The following PRTG variants were observed in gnomAD, a reference collection of about 807,000 sequenced individuals.
The protein encoded by PRTG is protogenin.
In PRTG, 67 loss-of-function variants were observed where a neutral mutation model predicts 122.5. That is an observed-to-expected ratio of 0.55 (90% confidence interval 0.45 to 0.67). PRTG has a LOEUF of 0.67. Ranked by LOEUF, PRTG falls within the 30% of genes least tolerant of loss-of-function variation. The pLI is 0.00. For missense variants in PRTG, 1,435 were observed against 1,415.4 expected (o/e 1.01, Z -0.22); for synonymous variants, 554 against 501.1 (o/e 1.11, Z -1.41).
intron 11 of PRTG, among the ~76,000 whole-genome samples, chr15:55,663,243 T>G (rs1183197306): frequency 1.3e-5 from 2 of 152,220 alleles, no homozygotes; most frequent in African/African-American, 4.8e-5. Flanking sequence ...GGAGGTCAAG[T>G]GACTTTACCA....
intron 2 of PRTG, among the ~76,000 whole-genome samples, chr15:55,698,988 T>C (rs1422584004): frequency 6.6e-6 from 1 of 152,036 alleles, no homozygotes; most frequent in Admixed American, 6.5e-5. Context: ...ACAAAACAAA[T>C]GGTAGCGCTC....
At chr15:55,673,829 C>G (rs1301650461) in intron 9 of PRTG, among the ~76,000 whole-genome samples, 153 bp from the exon 10 acceptor site, 1 of 151,758 alleles carries the variant, frequency 6.6e-6, no homozygotes, top group Non-Finnish European at 1.5e-5. Context: ...GAGTACAAAC[C>G]AGAAAAAAGA....
At chr15:55,693,560 G>C (rs2059616677) in intron 2 of PRTG, among the ~76,000 whole-genome samples, 1 of 152,126 alleles carries the variant, frequency 6.6e-6, no homozygotes, top group Non-Finnish European at 1.5e-5. Flanking sequence ...TGTATATAGG[G>C]AGGTGGTACA....
At chr15:55,693,254 C>CA (rs1430465299) in intron 2 of PRTG, among the ~76,000 whole-genome samples, 1 of 152,038 alleles carries the variant, frequency 6.6e-6, no homozygotes, top group Non-Finnish European at 1.5e-5. Flanking sequence ...ATCGGGTGGT[C>CA]GGGACTGGCC....
chr15:55,630,752 T>C (rs1408761727), intron 15 of PRTG, among the ~76,000 whole-genome samples: 2 of 152,166 alleles, frequency 1.3e-5, no homozygotes, highest in African/African-American at 2.4e-5. Flanking sequence ...TTAATTCTAG[T>C]GCTAAAAGTG....
At chr15:55,622,062 T>C (rs2059169066) in intron 18 of PRTG, among the ~76,000 whole-genome samples, 1 of 151,948 alleles carries the variant, frequency 6.6e-6, no homozygotes, top group African/African-American at 2.4e-5. Flanking sequence ...CAAATGTGTC[T>C]CTCTCCTTCA....
At chr15:55,645,432 T>TAAAAAAAAA (rs1266383340) in intron 11 of PRTG, among the ~76,000 whole-genome samples, 2 of 6,306 alleles carry the variant, frequency 3.2e-4, no homozygotes, top group African/African-American at 4.3e-4. Flanking sequence ...AAACTCCGTC[T>TAAAAAAAAA]CAAAAAAAAA....
intron 11 of PRTG, among the ~76,000 whole-genome samples, chr15:55,664,394 C>T (rs1158575703): frequency 2.6e-5 from 4 of 152,136 alleles, no homozygotes; most frequent in African/African-American, 9.7e-5. Context: ...CCACCCGCCT[C>T]GATCTCCCAA....
At chr15:55,717,716 T>C (rs978167481) in intron 2 of PRTG, among the ~76,000 whole-genome samples, 3 of 152,262 alleles carry the variant, frequency 2.0e-5, no homozygotes, top group Non-Finnish European at 2.9e-5. Context: ...ACTTGCTTTA[T>C]GTATTTTTAA....
chr15:55,685,382 A>G (rs77735641), intron 2 of PRTG, among the ~76,000 whole-genome samples: 2,083 of 152,244 alleles, frequency 0.014, 36 homozygotes, highest in African/African-American at 0.041. Context: ...TGGGGGTGAA[A>G]TAATCCCTTA....
At chr15:55,620,364 G>A in intron 19 of PRTG, 98 bp from the exon 20 acceptor site, 1 of 1,529,914 alleles carries the variant, frequency 6.5e-7, no homozygotes, top group Admixed American at 2.1e-5. Context: ...GAGCACATCA[G>A]AATTACCCGT....
chr15:55,711,633 A>G (rs762257895), intron 2 of PRTG, among the ~76,000 whole-genome samples: 1 of 152,120 alleles, frequency 6.6e-6, no homozygotes, highest in African/African-American at 2.4e-5. Flanking sequence ...TTTCACCCCA[A>G]CCAACAACCA....
chr15:55,656,921 GGAGA>G (rs2059383387), intron 11 of PRTG, among the ~76,000 whole-genome samples: 1 of 152,190 alleles, frequency 6.6e-6, no homozygotes, highest in African/African-American at 2.4e-5. Flanking sequence ...ACAATAAAAA[GGAGA>G]GATACCAGCA....
intron 2 of PRTG, among the ~76,000 whole-genome samples, chr15:55,725,151 CAAT>C (rs1316818718): frequency 6.6e-6 from 1 of 151,998 alleles, no homozygotes; most frequent in Admixed American, 6.6e-5. Flanking sequence ...TAATGTGTGA[CAAT>C]AATATAAAAG....
At chr15:55,659,260 C>G (rs1413897843) in intron 11 of PRTG, among the ~76,000 whole-genome samples, 3 of 152,182 alleles carry the variant, frequency 2.0e-5, no homozygotes, top group African/African-American at 7.2e-5. Context: ...AGGGAACCCT[C>G]GTGGGATCAC....
chr15:55,640,597 G>A (rs1360809916), intron 12 of PRTG, among the ~76,000 whole-genome samples: 1 of 152,152 alleles, frequency 6.6e-6, no homozygotes, highest in African/African-American at 2.4e-5. Context: ...AATTTGGTAT[G>A]TAGATATTCA....
intron 11 of PRTG, among the ~76,000 whole-genome samples, chr15:55,657,675 G>A (rs2059387871): frequency 1.3e-5 from 2 of 152,158 alleles, no homozygotes; most frequent in African/African-American, 4.8e-5. Context: ...ATAGCTAACT[G>A]TAGTTTGTTT....
At chr15:55,638,484 A>T (rs188801471) in intron 14 of PRTG, 65 bp downstream of exon 14, 541 of 1,296,192 alleles carry the variant, frequency 4.2e-4, no homozygotes, top group Middle Eastern at 3.5e-3. Flanking sequence ...AATGACATAC[A>T]TATTTTTAAA....
rs780142956 is a variant in PRTG, at chr15:55,624,578, AT to A, written c.2928-72del. On this transcript the variant is annotated intron_variant, in intron 17 of 19. Coordinates refer to ENST00000389286, the MANE Select transcript of PRTG (RefSeq NM_173814.6). ...TGCAGGCAAATGAACCACCTGGCCTATCAACAAAACTTTGTAAGCAATGCAG... is the reference window on the plus strand; with the variant it reads ...TGCAGGCAAATGAACCACCTGGCCTACAACAAAACTTTGTAAGCAATGCAG... 4.7e-4 allele frequency: 623 copies of A among 1,328,908 alleles called. 1 individual carries two copies. The highest frequency in any genetic ancestry group is 6.1e-4 in the Admixed American group (26 of 42,536). The allele number at this position is 1,328,908 out of a possible 1,614,324, so 82.3% of individuals were successfully genotyped here.
Sources: gnomAD v4.1 joint callset for allele counts (sites outside exome capture counted in the v4.1 genomes callset) on GRCh38, gnomAD v4.1.1 for gene constraint, MANE v1.5 for transcripts, NCBI Gene and HGNC (gene_info 2026-07-23, HGNC 2026-07-21) for gene names.